PTPRT: variants seen among roughly 807,000 people sequenced by gnomAD.
PTPRT encodes the protein receptor-type tyrosine-protein phosphatase T.
Under a neutral mutation model 176.8 loss-of-function variants are expected in PTPRT, and 56 were observed. That is an observed-to-expected ratio of 0.32 (90% CI 0.26 to 0.40). PTPRT has a LOEUF of 0.40. Ranked by LOEUF, PTPRT falls within the 10% of genes least tolerant of loss-of-function variation. The pLI is 1.00. For synonymous variants in PTPRT, 783 were observed against 739.0 expected (o/e 1.06, Z -0.96); for missense variants, 1,540 against 1,908.2 (o/e 0.81, Z 3.60).
intron 2 of PTPRT, among the ~76,000 whole-genome samples, chr20:42,835,328 A>G (rs1239680931): frequency 6.6e-6 from 1 of 152,238 alleles, no homozygotes; most frequent in Non-Finnish European, 1.5e-5. Flanking sequence ...GACTGGGGAA[A>G]TGAGGAAAGA....
At chr20:43,058,994 A>G (rs1308442038) in intron 1 of PTPRT, among the ~76,000 whole-genome samples, 1 of 152,122 alleles carries the variant, frequency 6.6e-6, no homozygotes, top group East Asian at 1.9e-4. Context: ...AGGTGGCGCC[A>G]GGTAGGGCAT....
chr20:43,128,908 C>T (rs1249627018), intron 1 of PTPRT, among the ~76,000 whole-genome samples: 6 of 152,192 alleles, frequency 3.9e-5, no homozygotes, highest in Non-Finnish European at 5.9e-5. Context: ...CACCCTTCAT[C>T]ACAATTTTAA....
chr20:43,113,138 T>C (rs564608128), intron 1 of PTPRT, among the ~76,000 whole-genome samples: 5 of 152,342 alleles, frequency 3.3e-5, no homozygotes, highest in Admixed American at 3.3e-4. Flanking sequence ...TGTAACTCAT[T>C]CATGATATAA....
intron 6 of PTPRT, among the ~76,000 whole-genome samples, chr20:42,716,457 A>C (rs1218673375): frequency 2.0e-5 from 3 of 152,128 alleles, no homozygotes; most frequent in African/African-American, 7.2e-5. Flanking sequence ...CTGGTGTGAG[A>C]TGGTATCTCA....
chr20:42,066,275 C>G, the PTPRT span, among the ~76,000 whole-genome samples: 1 of 152,084 alleles, frequency 6.6e-6, no homozygotes, highest in Admixed American at 6.5e-5. Context: ...CTCCTGACCT[C>G]AGGTGATCTG....
At chr20:43,102,284 T>TCTCACACACA (rs138696752) in intron 1 of PTPRT, among the ~76,000 whole-genome samples, 4 of 140,452 alleles carry the variant, frequency 2.8e-5, no homozygotes, top group African/African-American at 1.1e-4. Flanking sequence ...CACTCACACA[T>TCTCACACACA]CACACACACA....
At chr20:42,374,545 C>A (rs1015385) in intron 9 of PTPRT, among the ~76,000 whole-genome samples, 126,618 of 152,092 alleles carry the variant, frequency 0.83, 52,842 homozygotes, top group East Asian at 0.94. Context: ...TGGCAGAGAA[C>A]GTCAATATTT....
intron 7 of PTPRT, among the ~76,000 whole-genome samples, chr20:42,511,656 T>C (rs1220343744): frequency 6.6e-6 from 1 of 152,100 alleles, no homozygotes; most frequent in Non-Finnish European, 1.5e-5. Flanking sequence ...TATCTGGAGA[T>C]CAGGATTAGA....
At chr20:42,834,117 A>G (rs755090099) in intron 2 of PTPRT, among the ~76,000 whole-genome samples, 5 of 152,202 alleles carry the variant, frequency 3.3e-5, no homozygotes, top group Non-Finnish European at 4.4e-5. Context: ...CCCAGATCTG[A>G]CAAAATGCTT....
chr20:42,236,458 G>A (rs1401483462), intron 14 of PTPRT, among the ~76,000 whole-genome samples, 200 bp from the exon 15 acceptor site: 1 of 152,160 alleles, frequency 6.6e-6, no homozygotes, highest in African/African-American at 2.4e-5. Flanking sequence ...AGTGGTAGAA[G>A]AAACAAGAGA....
chr20:42,366,764 G>A (rs1478766100), intron 9 of PTPRT, among the ~76,000 whole-genome samples: 3 of 108,138 alleles, frequency 2.8e-5, no homozygotes, highest in East Asian at 2.3e-4. Context: ...GTGGCTACAC[G>A]GCACATGTGA....
At chr20:42,384,109 G>A (rs1600929874) in intron 9 of PTPRT, among the ~76,000 whole-genome samples, 2 of 152,144 alleles carry the variant, frequency 1.3e-5, no homozygotes, top group South Asian at 4.1e-4. Context: ...CTGTCACTGT[G>A]GGGCTTCACG....
intron 6 of PTPRT, among the ~76,000 whole-genome samples, chr20:42,734,911 A>G (rs924709039): frequency 6.6e-6 from 1 of 152,160 alleles, no homozygotes; most frequent in Non-Finnish European, 1.5e-5. Context: ...CTACGGTTCA[A>G]ACCAAGCCAC....
At chr20:43,020,795 A>C (rs563859707) in intron 1 of PTPRT, among the ~76,000 whole-genome samples, 2 of 152,328 alleles carry the variant, frequency 1.3e-5, no homozygotes, top group South Asian at 4.1e-4. Flanking sequence ...CTTTTATGTA[A>C]TCAATGCTTC....
rs115106997 is a variant in PTPRT, at chr20:42,820,503, A to T, written c.215-29037T>A. On this transcript the variant is annotated intron_variant, in intron 2 of 30. Transcript: ENST00000373187. ...AATTGATATCCTAACATCACAATTA[A>T]AATACCTAGAGAGGCAAGAGCAAAC... Among the ~76,000 whole-genome samples, 1,293 of 152,256 alleles carry T rather than the reference A, an allele frequency of 8.5e-3. 27 individuals are homozygous for T. The highest frequency in any genetic ancestry group is 0.029 in the African/African-American group (1,202 of 41,532).
intron 2 of PTPRT, among the ~76,000 whole-genome samples, chr20:42,857,037 T>A (rs1261612796): frequency 6.6e-6 from 1 of 152,174 alleles, no homozygotes; most frequent in Non-Finnish European, 1.5e-5. Context: ...TTGGGTCACA[T>A]AGTCACTTGA....
In PTPRT at chr20:43,124,998, A is replaced by T. The variant is rs867441619; in HGVS notation, c.88+64648T>A. Among the ~76,000 whole-genome samples the T allele has an allele frequency of 4.8e-4, 71 of 146,404 alleles. No homozygotes were observed. In the South Asian group the frequency reaches 0.013, roughly 26 times the overall value. On this transcript the variant is annotated intron_variant, in intron 1 of 30. Transcript: ENST00000373187. ...TTAGAAACTAAGTTAGATTTGGGAA[A>T]TTTTTTTTTTTTTTGAGACAGAATA...
intron 6 of PTPRT, among the ~76,000 whole-genome samples, chr20:42,733,000 A>T (rs2076484978): frequency 6.6e-6 from 1 of 152,222 alleles, no homozygotes; most frequent in Non-Finnish European, 1.5e-5. Flanking sequence ...GGATGAATAA[A>T]TGGGAACACT....
intron 1 of PTPRT, among the ~76,000 whole-genome samples, chr20:43,176,506 A>G (rs2015126867): frequency 6.6e-6 from 1 of 152,234 alleles, no homozygotes; most frequent in African/African-American, 2.4e-5. Context: ...AAATTTTCTT[A>G]AAGTATGTTC....
Sources: allele counts gnomAD v4.1 joint callset (sites outside exome capture counted in the v4.1 genomes callset), GRCh38; gene constraint gnomAD v4.1.1; transcripts MANE v1.5; gene names NCBI Gene and HGNC (gene_info 2026-07-23, HGNC 2026-07-21).